ZFYVE9: variants seen among roughly 807,000 people sequenced by gnomAD.
The protein encoded by ZFYVE9 is zinc finger FYVE domain-containing protein 9.
ZFYVE9 carries 43 observed loss-of-function variants against 126.7 expected under a neutral mutation model. That is an observed-to-expected ratio of 0.34 (90% CI 0.27 to 0.44). The LOEUF is 0.44. Among genes scored for constraint, ZFYVE9 ranks in the 20% least tolerant of loss-of-function variants. The pLI, the probability that ZFYVE9 is intolerant of heterozygous loss-of-function variation, is 1.00. For synonymous variants in ZFYVE9, 521 were observed against 597.4 expected, an observed-to-expected ratio of 0.87 and a Z score of 1.87; for missense variants, 1,476 against 1,697.0, an observed-to-expected ratio of 0.87 and a Z score of 2.29.
intron 1 of ZFYVE9, among the ~76,000 whole-genome samples, chr1:52,198,865 AGAACCTACATG>A (rs532429924): frequency 6.6e-6 from 1 of 152,320 alleles, no homozygotes; most frequent in African/African-American, 2.4e-5. Flanking sequence ...TTTCAGTTTA[AGAACCTACATG>A]GATACATCAT....
intron 16 of ZFYVE9, 50 bp downstream of exon 16, chr1:52,337,984 T>C: frequency 1.3e-6 from 2 of 1,575,060 alleles, no homozygotes; most frequent in Non-Finnish European, 1.7e-6. Flanking sequence ...TAGGTTAGGC[T>C]CTGGGTTTTG....
At chr1:52,158,419 G>T (rs960717163) in intron 1 of ZFYVE9, among the ~76,000 whole-genome samples, 2 of 152,230 alleles carry the variant, frequency 1.3e-5, no homozygotes, top group Admixed American at 1.3e-4. Context: ...GCAGGTGACA[G>T]ACCTCTGAAG....
intron 10 of ZFYVE9, among the ~76,000 whole-genome samples, chr1:52,289,783 T>A (rs1645899731): frequency 1.3e-5 from 2 of 152,320 alleles, no homozygotes; most frequent in African/African-American, 2.4e-5. Context: ...CTACATTTTT[T>A]AAAGTGATTA....
intron 10 of ZFYVE9, among the ~76,000 whole-genome samples, chr1:52,287,696 CAAAAA>C (rs562577492): frequency 1.8e-5 from 2 of 112,938 alleles, no homozygotes; most frequent in African/African-American, 3.1e-5. Flanking sequence ...CTATCTGTAC[CAAAAA>C]AAAAAAAAAA....
intron 12 of ZFYVE9, among the ~76,000 whole-genome samples, chr1:52,298,303 C>T (rs1045284586): frequency 2.6e-5 from 4 of 152,048 alleles, no homozygotes; most frequent in Non-Finnish European, 4.4e-5. Flanking sequence ...GTCTTTAATC[C>T]GTTTTTAGTT....
chr1:52,280,335 A>G (rs1165979538), intron 9 of ZFYVE9, among the ~76,000 whole-genome samples: 1 of 149,930 alleles, frequency 6.7e-6, no homozygotes, highest in Non-Finnish European at 1.5e-5. Flanking sequence ...AGCCGAGATC[A>G]TGACACTGCA....
chr1:52,248,086 A>G (rs1645409193), intron 4 of ZFYVE9, among the ~76,000 whole-genome samples: 1 of 152,206 alleles, frequency 6.6e-6, no homozygotes, highest in Non-Finnish European at 1.5e-5. Flanking sequence ...ATCAACTCAC[A>G]TGGTTAGAAG....
Position 52,268,499 on chromosome 1 carries a change from C to T in ZFYVE9, c.2492C>T (p.Ala831Val), listed in dbSNP as rs1427477069. Residue 831 changes from alanine to valine, a missense_variant, in exon 7 of 19, where the codon GCT becomes GTT. Physicochemically the swap from Ala to Val is moderately conservative, Grantham distance 64. This residue lies in a region of ZFYVE9 where 669 missense variants were observed against 902.4 expected (regional missense o/e 0.74). Transcript: ENST00000287727. ...AGAGAGCAGAGGCGAGTTTGGTTTG[C>T]TGATGGGATCTTGCCCAATGGAGAA... ...QPREQRRVWF[A>V]DGILPNGEVA... 3 of 1,614,004 alleles carry T rather than the reference C, an allele frequency of 1.9e-6. No homozygotes were observed. In the African/African-American group the frequency reaches 4.0e-5, roughly 22 times the overall value.
At chr1:52,156,737 A>G (rs1644406126) in intron 1 of ZFYVE9, among the ~76,000 whole-genome samples, 1 of 152,166 alleles carries the variant, frequency 6.6e-6, no homozygotes, top group South Asian at 2.1e-4. Flanking sequence ...ATAGGGCCAC[A>G]ATGATGCTCC....
At position 52,164,650 on chromosome 1, in the gene ZFYVE9, GTCCATCCATCCATCCA is replaced by G. The variant is rs199776740; in HGVS notation, c.-143+22259_-143+22274del. 4.6e-5 allele frequency among the ~76,000 whole-genome samples: 7 copies of G among 151,888 alleles called. No homozygotes were observed. The South Asian group carries it at 6.2e-4, about 14-fold the overall frequency. ...TATATCTTTGTCCGTCCGTCCATCC[GTCCATCCATCCATCCA>G]TCCATCCATCCTTTGCAGACATGCA... is the stretch of plus-strand genomic sequence containing the variant. On this transcript the variant is annotated intron_variant, in intron 1 of 18. Transcript: ENST00000287727.
intron 1 of ZFYVE9, among the ~76,000 whole-genome samples, chr1:52,202,056 T>C (rs988723250): frequency 1.3e-5 from 2 of 152,154 alleles, no homozygotes; most frequent in African/African-American, 4.8e-5. Context: ...AGTGCTGGGA[T>C]TACAGGCGTG....
chr1:52,253,590 A>G (rs1490248319), intron 4 of ZFYVE9: 2 of 1,022,424 alleles, frequency 2.0e-6, no homozygotes, highest in African/African-American at 3.2e-5. Flanking sequence ...TGAGAACCTG[A>G]GTTTTGGCAA....
At chr1:52,312,076 C>CCACCA (rs1356599987) in intron 13 of ZFYVE9, among the ~76,000 whole-genome samples, 1 of 152,136 alleles carries the variant, frequency 6.6e-6, no homozygotes, top group Non-Finnish European at 1.5e-5. Flanking sequence ...CAGACATGAG[C>CCACCA]CACCACACCT....
chr1:52,303,267 C>T (rs1048284600), intron 12 of ZFYVE9, among the ~76,000 whole-genome samples: 2 of 152,194 alleles, frequency 1.3e-5, no homozygotes, highest in Non-Finnish European at 2.9e-5. Flanking sequence ...GGTCAAAAGC[C>T]TCCTAAAGGC....
rs955489128 is a variant in ZFYVE9, at chr1:52,195,897, A to G, written c.-142-20472A>G. On this transcript the variant is annotated intron_variant, in intron 1 of 18. Transcript: ENST00000287727. ...AGCCTCCGCATCATGGGTTCAAGCA[A>G]TTCTCCTGCCTCAGCCTCCCGAGTA... 7.2e-5 allele frequency among the ~76,000 whole-genome samples: 11 copies of G among 151,824 alleles called. No individual in the cohort carries two copies. The East Asian group carries it at 2.1e-3, about 29-fold the overall frequency.
At chr1:52,174,006 A>G (rs9726186) in intron 1 of ZFYVE9, among the ~76,000 whole-genome samples, 8 of 151,148 alleles carry the variant, frequency 5.3e-5, no homozygotes, top group Non-Finnish European at 8.9e-5. Context: ...TATTTCCTTC[A>G]GTTCTGCTCT....
chr1:52,344,791 C>T lies in ZFYVE9; in HGVS notation c.3963C>T (p.Asp1321=). 6.2e-7 allele frequency: 1 copy of T among 1,613,998 alleles called. No individual in the cohort carries two copies. The highest frequency in any genetic ancestry group is 8.5e-7 in the Non-Finnish European group (1 of 1,179,924). The change falls in exon 18 of 19, where the codon GAC becomes GAT. Residue 1321 remains aspartate, a synonymous_variant. Transcript: ENST00000287727. ...AGGTGTTTTTCCTAGAAAACGATGA[C>T]CAGCACAATTGCCTCAGTGATCCTG... ...WTEVFFLEND[D]QHNCLSDPAD... is the part of the protein sequence containing the mutation.
intron 2 of ZFYVE9, among the ~76,000 whole-genome samples, chr1:52,221,408 C>T (rs910946991): frequency 2.0e-5 from 3 of 152,186 alleles, no homozygotes; most frequent in Admixed American, 2.0e-4. Context: ...GTTAGGAAAG[C>T]AGCGGGGTTG....
In ZFYVE9 at chr1:52,269,376, C is replaced by A. The variant is rs1320097124; in HGVS notation, c.2625+744C>A. ...GAACTCCTGACCTCAAGTGATCCAC[C>A]CCCTCAGCCTCCCAAAGTGCTAGGA... On this transcript the variant is annotated intron_variant, in intron 7 of 18. Transcript: ENST00000287727. Among the ~76,000 whole-genome samples, 7 of 152,014 alleles carry A rather than the reference C, an allele frequency of 4.6e-5. No individual in the cohort carries two copies. In the East Asian group the frequency reaches 1.4e-3, roughly 29 times the overall value.
Sources: gnomAD v4.1 joint callset for allele counts (sites outside exome capture counted in the v4.1 genomes callset) on GRCh38, gnomAD v4.1.1 for gene constraint, gnomAD v4.1.1 regional missense constraint, MANE v1.5 for transcripts, NCBI Gene and HGNC (gene_info 2026-07-23, HGNC 2026-07-21) for gene names.